XPO5: variants seen among roughly 807,000 people sequenced by gnomAD.
The protein encoded by XPO5 is exportin 5.
Under a neutral mutation model 160.6 loss-of-function variants are expected in XPO5, and 46 were observed. That is an observed-to-expected ratio of 0.29 (90% CI 0.23 to 0.37). XPO5 has a LOEUF of 0.37. Among genes scored for constraint, XPO5 ranks in the 10% least tolerant of loss-of-function variants. The pLI, the probability that XPO5 is intolerant of heterozygous loss-of-function variation, is 1.00. For synonymous variants in XPO5, 537 were observed against 519.3 expected (o/e 1.03, Z -0.46); for missense variants, 1,090 against 1,463.9 (o/e 0.74, Z 4.17).
At chr6:43,554,317 T>A (rs183722716) in intron 13 of XPO5, among the ~76,000 whole-genome samples, 76 of 152,178 alleles carry the variant, frequency 5.0e-4, no homozygotes, top group African/African-American at 1.8e-3. Flanking sequence ...TTCACCATCT[T>A]GGCCAGGCTG....
Position 43,531,542 on chromosome 6 carries a change from G to A in XPO5, c.2477C>T (p.Ser826Phe), listed in dbSNP as rs1310504623. The part of the protein sequence containing the change: ...LPQPLLELND[S>F]PVFKTVLERM... Reference sequence around the variant, plus strand: ...TTCCAAGACGGTTTTGAAGACAGGAGAGTCATTGAGTTCCAAGAGAGGTTG... The same window carrying A: ...TTCCAAGACGGTTTTGAAGACAGGAAAGTCATTGAGTTCCAAGAGAGGTTG... The change falls in exon 22 of 32, where the codon TCT (serine) becomes TTT (phenylalanine). Residue 826 changes from serine (S) to phenylalanine (F), a missense_variant. Ser to Phe is a radical substitution (Grantham distance 155, BLOSUM62 -2). Transcript: ENST00000265351. The A allele has an allele frequency of 6.2e-7, 1 of 1,613,846 alleles. No individual in the cohort carries two copies. The highest frequency in any genetic ancestry group is 1.3e-5 in the African/African-American group (1 of 74,930).
chr6:43,534,510 C>G (rs1322642393), intron 20 of XPO5, among the ~76,000 whole-genome samples: 1 of 152,172 alleles, frequency 6.6e-6, no homozygotes, highest in Non-Finnish European at 1.5e-5. Context: ...ACCAAAATGA[C>G]CTACCTGAGC....
At chr6:43,548,492 G>A (rs750968633) in intron 17 of XPO5, 32 bp from the exon 18 acceptor site, 3 of 1,471,690 alleles carry the variant, frequency 2.0e-6, no homozygotes, top group South Asian at 1.5e-5. Flanking sequence ...AGCCAGAGGT[G>A]GTAAAGGTCT....
chr6:43,523,785 G>T lies in XPO5; in HGVS notation c.*83C>A, dbSNP rs776411274. On this transcript the variant is annotated 3_prime_UTR_variant, in exon 32 of 32. Coordinates refer to ENST00000265351, the MANE Select transcript of XPO5 (RefSeq NM_020750.3). Reference sequence around the variant, plus strand: ...GACAGTGGTGGAAAGTGAGGTGGCAGTGCAAGAAGGGCCTAGAGATCGGCT... The same window carrying T: ...GACAGTGGTGGAAAGTGAGGTGGCATTGCAAGAAGGGCCTAGAGATCGGCT... The T allele has an allele frequency of 1.2e-6, 2 of 1,608,688 alleles. No homozygotes were observed. Among genetic ancestry groups the T allele is most frequent in the Admixed American group, 3.3e-5 (2 of 60,028 alleles).
At position 43,526,712 on chromosome 6, in the gene XPO5, T is replaced by G; in HGVS notation, c.2956A>C (p.Ser986Arg). Residue 986 changes from serine (S) to arginine (R), a missense_variant, in exon 27 of 32, where the codon AGT (serine) becomes CGT (arginine). Transcript: ENST00000265351. ...TCTCCATCTGCTGGGGGAGCACTAC[T>G]GTGGTCAGCACCCTTCTTTGAAACA... ...CCVSKKGADH[S>R]SAPPADGDDE... is the part of the protein sequence containing the mutation. 1.2e-6 allele frequency: 2 copies of G among 1,613,988 alleles called. No homozygotes were observed. The highest frequency in any genetic ancestry group is 1.7e-6 in the Non-Finnish European group (2 of 1,179,880).
At chr6:43,560,124 G>A in intron 11 of XPO5, 54 bp downstream of exon 11, 1 of 1,582,212 alleles carries the variant, frequency 6.3e-7, no homozygotes. Flanking sequence ...CAGCCTCAAA[G>A]TCTTATTATG....
At position 43,528,182 on chromosome 6, in the gene XPO5, A is replaced by G. The variant is rs751494238; in HGVS notation, c.2799T>C (p.Val933=). ...LHMRLSQKWQ[V]INQRSLLCGE... is the part of the protein sequence containing the mutation. ...ACCACAGCAGGCTCCTTTGGTTGAT[A>G]ACTTGCCATTTCTGAGAAAGCCTCT... Residue 933 remains valine (V), a synonymous_variant, in exon 25 of 32, where the codon GTT becomes GTC. Coordinates refer to ENST00000265351, the MANE Select transcript of XPO5 (RefSeq NM_020750.3). 1 of 1,595,052 alleles carries G rather than the reference A, an allele frequency of 6.3e-7. No individual in the cohort carries two copies. Among genetic ancestry groups the G allele is most frequent in the South Asian group, 1.1e-5 (1 of 87,494 alleles).
At chr6:43,548,503 G>C (rs766848647) in intron 17 of XPO5, 43 bp from the exon 18 acceptor site, 10 of 1,440,232 alleles carry the variant, frequency 6.9e-6, no homozygotes, top group Non-Finnish European at 8.3e-6. Context: ...GTAAAGGTCT[G>C]ATTTTCAAGG....
chr6:43,526,452 A>G, intron 27 of XPO5: 1 of 556,646 alleles, frequency 1.8e-6, no homozygotes, highest in Non-Finnish European at 3.2e-6. Flanking sequence ...AAGCAAGAGA[A>G]AAGATCACAT....
In XPO5 at chr6:43,553,404, A is replaced by T. The variant is rs780715795; in HGVS notation, c.1541T>A (p.Ile514Asn). The T allele has an allele frequency of 6.2e-7, 1 of 1,607,864 alleles. No individual in the cohort carries two copies. The highest frequency in any genetic ancestry group is 2.2e-5 in the East Asian group (1 of 44,786). ...ATTTAGTGTTCGAAACATCTGGGTG[A>T]TAACACTTTCCAAAAAAAGAGTCAT... Reference protein sequence around the residue: ...EAMTLFLESVITQMFRTLNRE... With the variant: ...EAMTLFLESVNTQMFRTLNRE... The change falls in exon 14 of 32, where the codon ATC (isoleucine) becomes AAC (asparagine). Residue 514 changes from isoleucine to asparagine, a missense_variant. Coordinates refer to ENST00000265351, the MANE Select transcript of XPO5 (RefSeq NM_020750.3).
At chr6:43,553,248 G>A in intron 14 of XPO5, 125 bp downstream of exon 14, 1 of 1,236,964 alleles carries the variant, frequency 8.1e-7, no homozygotes, top group East Asian at 2.8e-5. Context: ...GTTACAGAGA[G>A]CTATGATTGT....
intron 21 of XPO5, 93 bp from the exon 22 acceptor site, chr6:43,531,668 G>T: frequency 9.4e-7 from 1 of 1,064,714 alleles, no homozygotes; most frequent in Non-Finnish European, 1.5e-6. Flanking sequence ...GTTCAGGGGT[G>T]AAGATGTGTG....
intron 27 of XPO5, 35 bp downstream of exon 27, chr6:43,526,650 A>C (rs757540321): frequency 4.3e-6 from 7 of 1,612,152 alleles, no homozygotes; most frequent in Admixed American, 1.7e-5. Context: ...TAGGAGGCTA[A>C]GAGCAGAACT....
intron 18 of XPO5, among the ~76,000 whole-genome samples, chr6:43,547,983 T>C (rs1049873520): frequency 1.3e-5 from 2 of 152,238 alleles, no homozygotes; most frequent in African/African-American, 4.8e-5. Context: ...GATAAGTGTC[T>C]GTGTGGTTGT....
chr6:43,524,111 G>A lies in XPO5; in HGVS notation c.3478-106C>T, dbSNP rs572331144. 62 of 1,482,926 alleles carry A rather than the reference G, an allele frequency of 4.2e-5. No individual in the cohort carries two copies. In the South Asian group the frequency reaches 7.6e-4, roughly 18 times the overall value. The allele number at this position is 1,482,926 out of a possible 1,614,324, so 91.9% of individuals were successfully genotyped here. A position where few individuals can be genotyped will look rare whatever the true frequency, so the allele number is the denominator to read the frequency against. On this transcript the variant is annotated intron_variant, in intron 31 of 31. Coordinates refer to ENST00000265351, the MANE Select transcript of XPO5 (RefSeq NM_020750.3). ...CGCGCCTGTAATCCCAACACTTTTG[G>A]GAGGCCAAGGCGGGTGGATCACCTG...
chr6:43,524,998 A>G, intron 29 of XPO5, 30 bp from the exon 30 acceptor site: 1 of 1,608,846 alleles, frequency 6.2e-7, no homozygotes, highest in Non-Finnish European at 8.5e-7. Flanking sequence ...TTAGGGCCAC[A>G]GGGGGCCTCT....
chr6:43,526,226 G>C, intron 27 of XPO5: 1 of 424,662 alleles, frequency 2.4e-6, no homozygotes, highest in Non-Finnish European at 4.3e-6. Flanking sequence ...TAGTTACTGG[G>C]GATAAAAGGT....
Position 43,539,625 on chromosome 6 carries a change from T to C in XPO5, c.2343-5618A>G, listed in dbSNP as rs916226324. The C allele has an allele frequency of 1.3e-5, 18 of 1,355,928 alleles. 1 individual carries two copies. The highest frequency in any genetic ancestry group is 1.4e-5 in the Non-Finnish European group (14 of 979,002). The allele number at this position is 1,355,928 out of a possible 1,614,324, so 84.0% of individuals were successfully genotyped here. ...CCCCGGATGCCACTGGCGAAACCTC[T>C]GCGGAAGCCACCGCGGTTCCCCATC... On this transcript the variant is annotated intron_variant, in intron 20 of 31. Transcript: ENST00000265351.
At chr6:43,569,159 G>C (rs1762855391) in intron 5 of XPO5, among the ~76,000 whole-genome samples, 1 of 151,956 alleles carries the variant, frequency 6.6e-6, no homozygotes, top group South Asian at 2.1e-4. Context: ...CGGTGTGCTG[G>C]CGCATGCCTG....
Sources: gnomAD v4.1 joint callset for allele counts (sites outside exome capture counted in the v4.1 genomes callset) on GRCh38, gnomAD v4.1.1 for gene constraint, MANE v1.5 for transcripts, NCBI Gene and HGNC (gene_info 2026-07-23, HGNC 2026-07-21) for gene names.